Variants in SLC7A10 observed in about 807,000 individuals in gnomAD.
SLC7A10 encodes asc-type amino acid transporter 1.
In SLC7A10, 30 loss-of-function variants were observed where a neutral mutation model predicts 52.7. The ratio of observed to expected loss-of-function variants is 0.57; its 90% CI spans 0.43 to 0.77. The LOEUF (loss-of-function observed/expected upper bound fraction) is 0.77. SLC7A10 is among the 30% of genes least tolerant of loss of function. The pLI is 0.00. For synonymous variants in SLC7A10, 318 were observed against 314.9 expected (o/e 1.01, Z -0.10); for missense variants, 581 against 698.5 (o/e 0.83, Z 1.90).
intron 3 of SLC7A10, 83 bp from the exon 4 acceptor site, chr19:33,212,722 G>A (rs1974583087): frequency 6.2e-7 from 1 of 1,611,186 alleles, no homozygotes; most frequent in African/African-American, 1.3e-5. Context: ...GGCGGCCCGA[G>A]AATGGCATCC....
rs1258114050 is a variant in SLC7A10, at chr19:33,215,754, G to A, written c.356+15C>T. 2.1e-5 allele frequency: 33 copies of A among 1,550,936 alleles called. No individual in the cohort carries two copies. Among genetic ancestry groups the A allele is most frequent in the Non-Finnish European group, 2.9e-5 (33 of 1,146,662 alleles). On this transcript the variant is annotated intron_variant, in intron 2 of 10. Coordinates refer to ENST00000253188, the MANE Select transcript of SLC7A10 (RefSeq NM_019849.3). ...CAAGAGGGTGTCCCCCTGCCCGCTG[G>A]TGCCCCACACTCACCCAGCCAGGCC...
At chr19:33,215,607 GCCCCCACACCTTCTCTCCATCCAC>G (rs536559713) in intron 2 of SLC7A10, among the ~76,000 whole-genome samples, 138 bp downstream of exon 2, 10,523 of 109,054 alleles carry the variant, frequency 0.096, 445 homozygotes, top group Middle Eastern at 0.16. Context: ...TCTCCATCCA[GCCCCCACACCTTCTCTCCATCCAC>G]CCCCCACACC....
intron 1 of SLC7A10, chr19:33,220,132 CTG>C (rs1974782935): frequency 6.6e-6 from 1 of 152,204 alleles, no homozygotes; most frequent in South Asian, 2.1e-4. Flanking sequence ...GGGATGCTGA[CTG>C]TGACTACTGA....
At chr19:33,212,782 C>T in intron 3 of SLC7A10, 69 bp downstream of exon 3, 5 of 1,606,796 alleles carry the variant, frequency 3.1e-6, no homozygotes, top group Non-Finnish European at 4.3e-6. Context: ...CTCTGTCCTC[C>T]TGCTCAGGGC....
At chr19:33,224,243 G>GAA (rs1220204567) in intron 1 of SLC7A10, among the ~76,000 whole-genome samples, 1 of 152,124 alleles carries the variant, frequency 6.6e-6, no homozygotes, top group Non-Finnish European at 1.5e-5. Context: ...TGTGGGCCAA[G>GAA]AAAAAGCTCT....
At position 33,225,760 on chromosome 19, in the gene SLC7A10, C is replaced by CCCGTCGGT. The variant is rs993787327; in HGVS notation, c.-65_-58dup. ...GCTGCCCCGTCTGTCCGGCCGGCCG[C>CCCGTCGGT]CCGTCGGTCCGTCGGTCCGTGAGCT... On this transcript the variant is annotated 5_prime_UTR_variant, in exon 1 of 11. Coordinates refer to ENST00000253188, the MANE Select transcript of SLC7A10 (RefSeq NM_019849.3). 72 of 1,446,968 alleles carry CCCGTCGGT rather than the reference C, an allele frequency of 5.0e-5. No individual in the cohort carries two copies. In the African/African-American group the frequency reaches 8.0e-4, roughly 16 times the overall value. The allele number at this position is 1,446,968 out of a possible 1,614,324, so 89.6% of individuals were successfully genotyped here. A position where few individuals can be genotyped will look rare whatever the true frequency, so the allele number is the denominator to read the frequency against.
intron 3 of SLC7A10, 73 bp downstream of exon 3, chr19:33,212,778 C>T: frequency 1.2e-6 from 2 of 1,606,630 alleles, no homozygotes; most frequent in Non-Finnish European, 1.7e-6. Flanking sequence ...ACCCCTCTGT[C>T]CTCCTGCTCA....
chr19:33,212,224 C>T (rs1236765683), intron 5 of SLC7A10, 68 bp downstream of exon 5: 6 of 1,550,944 alleles, frequency 3.9e-6, no homozygotes, highest in East Asian at 2.4e-5. Context: ...TGGGGCTGGG[C>T]GGAGAGGCTG....
Position 33,210,595 on chromosome 19 carries a change from T to G in SLC7A10, c.1135A>C (p.Met379Leu), listed in dbSNP as rs1280420937. 2 of 1,611,866 alleles carry G rather than the reference T, an allele frequency of 1.2e-6. No homozygotes were observed. The highest frequency in any genetic ancestry group is 1.7e-6 in the Non-Finnish European group (2 of 1,179,946). ...LVCCGATAVI[M>L]LVGDTYTLIN... ...AGCGTGTACGTGTCGCCCACGAGCA[T>G]GATGACGGCTGTGGCCCCGCACTGG... The change falls in exon 9 of 11, where the codon ATG becomes CTG. Residue 379 changes from methionine to leucine, a missense_variant. Physicochemically the swap from Met to Leu is conservative, Grantham distance 15. Transcript: ENST00000253188. This position sits in a 1 kb window ranked among gnomAD's most constrained non-coding sequence, Gnocchi z 5.6.
In SLC7A10 at chr19:33,215,927, C is replaced by T; in HGVS notation, c.198G>A (p.Leu66=). ...SGIFISPKGV[L]EHSGSVGLAL... Reference sequence around the variant, plus strand: ...CCAGACCCACGGAGCCTGAGTGCTCCAGGACCCCCTTGGGCGAGATGAAGA... The same window carrying T: ...CCAGACCCACGGAGCCTGAGTGCTCTAGGACCCCCTTGGGCGAGATGAAGA... The change falls in exon 2 of 11, where the codon CTG becomes CTA. Residue 66 remains leucine (L), a synonymous_variant. Coordinates refer to ENST00000253188, the MANE Select transcript of SLC7A10 (RefSeq NM_019849.3). 1.9e-6 allele frequency: 3 copies of T among 1,602,624 alleles called. 1 individual carries two copies. Among genetic ancestry groups the T allele is most frequent in the Non-Finnish European group, 2.6e-6 (3 of 1,172,202 alleles).
chr19:33,209,052 G>A, intron 10 of SLC7A10, 31 bp from the exon 11 acceptor site: 1 of 1,612,156 alleles, frequency 6.2e-7, no homozygotes, highest in Non-Finnish European at 8.5e-7. Context: ...CTTGGGGCCT[G>A]ACCTCTCGGG....
chr19:33,210,771 C>G lies in SLC7A10; in HGVS notation c.1113+31G>C, dbSNP rs377742543. 1 of 1,611,446 alleles carries G rather than the reference C, an allele frequency of 6.2e-7. No individual in the cohort carries two copies. The highest frequency in any genetic ancestry group is 1.7e-5 in the Admixed American group (1 of 59,990). ...GCATTGCCGGGTAGCCCTGCCTCCA[C>G]GCCCTGCCTGGCCCAGGTCCCCCAA... On this transcript the variant is annotated intron_variant, in intron 8 of 10. Coordinates refer to ENST00000253188, the MANE Select transcript of SLC7A10 (RefSeq NM_019849.3). This position sits in a 1 kb window ranked among gnomAD's most constrained non-coding sequence, Gnocchi z 5.6.
At chr19:33,211,162 G>T in intron 7 of SLC7A10, 63 bp downstream of exon 7, 3 of 1,486,124 alleles carry the variant, frequency 2.0e-6, no homozygotes, top group South Asian at 1.1e-5. Context: ...CCCACGGCAT[G>T]ACTGGTGCAC....
rs770027748 is a variant in SLC7A10, at chr19:33,211,459, C to T, written c.867G>A (p.Thr289=). ...AGAGCAGCTCCTGGGGGGACATGGCCGTGAAGTAGGCAATGTTGGTGAACG... is the reference window on the plus strand; with the variant it reads ...AGAGCAGCTCCTGGGGGGACATGGCTGTGAAGTAGGCAATGTTGGTGAACG... ...VYTFTNIAYF[T]AMSPQELLSS... is the part of the protein sequence containing the mutation. The change falls in exon 6 of 11, where the codon ACG becomes ACA. Residue 289 remains threonine (T), a synonymous_variant. Coordinates refer to ENST00000253188, the MANE Select transcript of SLC7A10 (RefSeq NM_019849.3). 18 of 1,613,894 alleles carry T rather than the reference C, an allele frequency of 1.1e-5. No individual in the cohort carries two copies. Among genetic ancestry groups the T allele is most frequent in the Middle Eastern group, 1.6e-4 (1 of 6,084 alleles).
At chr19:33,209,173 A>G (rs2145464498) in intron 10 of SLC7A10, 135 bp downstream of exon 10, 2 of 1,513,772 alleles carry the variant, frequency 1.3e-6, no homozygotes, top group South Asian at 2.3e-5. Context: ...GGGAAGAGAC[A>G]TTTGGTGGCG....
intron 5 of SLC7A10, chr19:33,211,983 C>T: frequency 1.9e-6 from 1 of 518,608 alleles, no homozygotes. Context: ...TTGTAGGGAC[C>T]ATATTGTGTG....
In SLC7A10 at chr19:33,210,601, C is replaced by T. The variant is rs758117299; in HGVS notation, c.1129G>A (p.Val377Ile). The change falls in exon 9 of 11, where the codon GTC (valine) becomes ATC (isoleucine). Residue 377 changes from valine (V) to isoleucine (I), a missense_variant. By Grantham distance (29) the Val-to-Ile change is conservative. Coordinates refer to ENST00000253188, the MANE Select transcript of SLC7A10 (RefSeq NM_019849.3). The surrounding 1 kb of genome is among the most constrained non-coding windows in gnomAD (Gnocchi z 5.6). ...TACGTGTCGCCCACGAGCATGATGA[C>T]GGCTGTGGCCCCGCACTGGGAGAGG... ...ALLVCCGATA[V>I]IMLVGDTYTL... 21 of 1,611,530 alleles carry T rather than the reference C, an allele frequency of 1.3e-5. No homozygotes were observed. The highest frequency in any genetic ancestry group is 5.0e-5 in the Admixed American group (3 of 60,010).
At chr19:33,222,164 T>G (rs1974823164) in intron 1 of SLC7A10, among the ~76,000 whole-genome samples, 1 of 152,000 alleles carries the variant, frequency 6.6e-6, no homozygotes, top group Admixed American at 6.6e-5. Context: ...TCTGGGAGGC[T>G]GAGGTGGGAG....
intron 9 of SLC7A10, among the ~76,000 whole-genome samples, chr19:33,209,727 C>T (rs779586485): frequency 3.3e-5 from 5 of 152,142 alleles, no homozygotes; most frequent in Admixed American, 6.5e-5. Flanking sequence ...CTCCACACAG[C>T]GGTTGCGTGT....
Sources: gnomAD v4.1 joint callset for allele counts (sites outside exome capture counted in the v4.1 genomes callset) on GRCh38, gnomAD v4.1.1 for gene constraint, Gnocchi (gnomAD v3.1) non-coding constraint, MANE v1.5 for transcripts, NCBI Gene and HGNC (gene_info 2026-07-23, HGNC 2026-07-21) for gene names.